Variants in EIF2B3 observed in about 807,000 individuals in gnomAD.
EIF2B3 encodes the protein eukaryotic translation initiation factor 2B subunit gamma.
In EIF2B3, 20 loss-of-function variants were observed where a neutral mutation model predicts 54.1. That is an observed-to-expected ratio of 0.37 (90% CI 0.26 to 0.54). The LOEUF is 0.54. Among genes scored for constraint, EIF2B3 ranks in the 20% least tolerant of loss-of-function variants. The probability of loss-of-function intolerance (pLI) is 0.86; values close to 1 mark genes in which losing one functional copy is unlikely to be tolerated. For missense variants in EIF2B3, 448 were observed against 547.8 expected (o/e 0.82, Z 1.82); for synonymous variants, 153 against 188.1 (o/e 0.81, Z 1.52).
chr1:44,979,654 G>A (rs972598556), intron 2 of EIF2B3, among the ~76,000 whole-genome samples: 1 of 151,126 alleles, frequency 6.6e-6, no homozygotes, highest in African/African-American at 2.4e-5. Flanking sequence ...GCAAGACTCT[G>A]TCTCTAAAAA....
intron 5 of EIF2B3, among the ~76,000 whole-genome samples, chr1:44,901,066 T>C (rs1321041976): frequency 6.6e-6 from 1 of 152,076 alleles, no homozygotes; most frequent in Non-Finnish European, 1.5e-5. Flanking sequence ...TGCCTCAGTT[T>C]CCCAAAGAGG....
Position 44,866,397 on chromosome 1 carries a change from C to CAA in EIF2B3, c.1202+8279_1202+8280dup, listed in dbSNP as rs1426558504. Among the ~76,000 whole-genome samples, 53 of 101,460 alleles carry CAA rather than the reference C, an allele frequency of 5.2e-4. 1 individual carries two copies. The highest frequency in any genetic ancestry group is 1.0e-3 in the Admixed American group (11 of 10,724). 66.6% of individuals were successfully genotyped at this position (101,460 alleles called of 152,430 possible). A position where few individuals can be genotyped will look rare whatever the true frequency, so the allele number is the denominator to read the frequency against. On this transcript the variant is annotated intron_variant, in intron 10 of 11. Coordinates refer to ENST00000360403, the MANE Select transcript of EIF2B3 (RefSeq NM_020365.5). ...GGGGTGACAGAATGAGATTCTGTCT[C>CAA]AAAAAAAAAAAAACAAACAAAACTA...
At chr1:44,915,349 T>C (rs753804535) in intron 5 of EIF2B3, among the ~76,000 whole-genome samples, 2 of 152,038 alleles carry the variant, frequency 1.3e-5, no homozygotes, top group Non-Finnish European at 2.9e-5. Context: ...TCTCGTTCTG[T>C]CATCTAGGCT....
At position 44,938,503 on chromosome 1, in the gene EIF2B3, T is replaced by TG. The variant is rs142346384; in HGVS notation, c.454+3002_454+3003insC. Among the ~76,000 whole-genome samples, 778 of 139,816 alleles carry TG rather than the reference T, an allele frequency of 5.6e-3. 10 individuals are homozygous for TG. Among genetic ancestry groups the TG allele is most frequent in the African/African-American group, 0.021 (740 of 34,444 alleles). 91.7% of individuals were successfully genotyped at this position (139,816 alleles called of 152,430 possible). A position where few individuals can be genotyped will look rare whatever the true frequency, so the allele number is the denominator to read the frequency against. The stretch of plus-strand genomic sequence containing the variant: ...TTCTCTCTCTCTCTCTCTCTCTCTG[T>TG]TTTTTTTTGGGACAGAGTGAGACTC... On this transcript the variant is annotated intron_variant, in intron 4 of 11. Coordinates refer to ENST00000360403, the MANE Select transcript of EIF2B3 (RefSeq NM_020365.5).
At chr1:44,857,625 C>A (rs1251822552) in intron 11 of EIF2B3, 79 bp downstream of exon 11, 1 of 1,380,898 alleles carries the variant, frequency 7.2e-7, no homozygotes, top group Non-Finnish European at 1.0e-6. Context: ...GCTTGTTTCC[C>A]ACATCCTCAC....
At chr1:44,962,204 A>ACAT (rs113470749) in intron 3 of EIF2B3, among the ~76,000 whole-genome samples, 5,362 of 145,908 alleles carry the variant, frequency 0.037, 211 homozygotes, top group African/African-American at 0.095. Context: ...ATCATCATCA[A>ACAT]CATCATCATC....
In EIF2B3 at chr1:44,913,095, A is replaced by G. The variant is rs373148395; in HGVS notation, c.566+13533T>C. 6.4e-3 allele frequency among the ~76,000 whole-genome samples: 915 copies of G among 142,188 alleles called. 12 individuals are homozygous for G. Among genetic ancestry groups the G allele is most frequent in the African/African-American group, 0.023 (864 of 37,544 alleles). The allele number at this position is 142,188 out of a possible 152,430, so 93.3% of individuals were successfully genotyped here. On this transcript the variant is annotated intron_variant, in intron 5 of 11. Coordinates refer to ENST00000360403, the MANE Select transcript of EIF2B3 (RefSeq NM_020365.5). ...GAAATATTACATTGGTGCAAAAGCA[A>G]TTGCGGTTTTTGTTAAAAAAAAAAA...
chr1:44,868,169 C>T (rs1036422565), intron 10 of EIF2B3, among the ~76,000 whole-genome samples: 10 of 151,944 alleles, frequency 6.6e-5, no homozygotes, highest in African/African-American at 2.4e-4. Flanking sequence ...GAGGCCGAGG[C>T]GAGCGGATCA....
At chr1:44,891,829 T>G (rs1655807851) in intron 6 of EIF2B3, among the ~76,000 whole-genome samples, 1 of 152,180 alleles carries the variant, frequency 6.6e-6, no homozygotes, top group Admixed American at 6.5e-5. Context: ...TCTGAGGTAC[T>G]ATGCTAGGAA....
chr1:44,951,768 A>C (rs1207090958), intron 3 of EIF2B3, among the ~76,000 whole-genome samples: 1 of 148,724 alleles, frequency 6.7e-6, no homozygotes, highest in Non-Finnish European at 1.5e-5. Context: ...CTTCCTTAAA[A>C]CTTCAGCAGC....
chr1:44,853,650 G>A (rs781087029), intron 11 of EIF2B3, among the ~76,000 whole-genome samples: 29 of 152,132 alleles, frequency 1.9e-4, no homozygotes, highest in Non-Finnish European at 3.8e-4. Flanking sequence ...CTTGGTCAGG[G>A]ATGGGAGTAG....
At chr1:44,934,892 G>A (rs1013602067) in intron 4 of EIF2B3, among the ~76,000 whole-genome samples, 61 of 152,138 alleles carry the variant, frequency 4.0e-4, no homozygotes, top group African/African-American at 1.3e-3. Flanking sequence ...TTTTTTGGTA[G>A]TACAGCTTCA....
At chr1:44,969,694 T>C (rs1308975611) in intron 3 of EIF2B3, among the ~76,000 whole-genome samples, 1 of 152,216 alleles carries the variant, frequency 6.6e-6, no homozygotes, top group East Asian at 1.9e-4. Flanking sequence ...CTGTTGATGC[T>C]GGGTGACAGA....
chr1:44,939,500 C>T (rs1643997081), intron 4 of EIF2B3, among the ~76,000 whole-genome samples: 1 of 151,988 alleles, frequency 6.6e-6, no homozygotes, highest in African/African-American at 2.4e-5. Context: ...TTCAAAATTG[C>T]TAAGAGAGTA....
intron 11 of EIF2B3, among the ~76,000 whole-genome samples, chr1:44,856,825 G>A (rs1654447447): frequency 1.3e-5 from 2 of 152,062 alleles, no homozygotes; most frequent in African/African-American, 4.8e-5. Context: ...TTATTTTTAA[G>A]ACAGGGTCTC....
chr1:44,914,287 A>G (rs1302955153), intron 5 of EIF2B3, among the ~76,000 whole-genome samples: 1 of 151,864 alleles, frequency 6.6e-6, no homozygotes, highest in Non-Finnish European at 1.5e-5. Context: ...CAGCCTCCCA[A>G]GTAGCTGGGA....
intron 5 of EIF2B3, among the ~76,000 whole-genome samples, chr1:44,915,479 A>C (rs556184679): frequency 5.3e-5 from 8 of 151,974 alleles, no homozygotes; most frequent in African/African-American, 9.6e-5. Context: ...CTCCTGTCTC[A>C]GCCACCTAAG....
intron 10 of EIF2B3, among the ~76,000 whole-genome samples, chr1:44,858,713 C>T (rs1172858407): frequency 6.6e-6 from 1 of 152,104 alleles, no homozygotes; most frequent in Non-Finnish European, 1.5e-5. Flanking sequence ...GATCCACCCG[C>T]CTTGGCTTCC....
At chr1:44,931,090 G>T (rs1424936889) in intron 4 of EIF2B3, among the ~76,000 whole-genome samples, 1 of 152,184 alleles carries the variant, frequency 6.6e-6, no homozygotes, top group Non-Finnish European at 1.5e-5. Flanking sequence ...GTAATAAAAT[G>T]TTACTTCTAT....
Sources: allele counts gnomAD v4.1 joint callset (sites outside exome capture counted in the v4.1 genomes callset), GRCh38; gene constraint gnomAD v4.1.1; transcripts MANE v1.5; gene names NCBI Gene and HGNC (gene_info 2026-07-23, HGNC 2026-07-21).